LRRC40: variants seen among roughly 807,000 people sequenced by gnomAD.
The protein encoded by LRRC40 is leucine rich repeat containing 40.
A neutral mutation model predicts 72.8 loss-of-function variants in LRRC40; 76 were observed. The ratio of observed to expected loss-of-function variants is 1.04; its 90% CI spans 0.87 to 1.26. The LOEUF (loss-of-function observed/expected upper bound fraction) is 1.26, where lower values mean the gene tolerates loss of function less well. LRRC40 is among the 50% of genes most tolerant of loss of function. LRRC40 has a pLI of 0.00. For synonymous variants in LRRC40, 243 were observed against 254.2 expected (o/e 0.96, Z 0.42); for missense variants, 684 against 698.9 (o/e 0.98, Z 0.24).
intron 11 of LRRC40, among the ~76,000 whole-genome samples, chr1:70,153,972 C>CAAAAAAAAAA (rs1042976831): frequency 1.7e-5 from 1 of 58,182 alleles, no homozygotes; most frequent in Non-Finnish European, 3.4e-5. Context: ...GATCCTGTCT[C>CAAAAAAAAAA]AAAAAAAAAA....
At chr1:70,184,163 C>T (rs1230987759) in intron 4 of LRRC40, among the ~76,000 whole-genome samples, 3 of 151,966 alleles carry the variant, frequency 2.0e-5, no homozygotes, top group Non-Finnish European at 2.9e-5. Flanking sequence ...GCAGGAGAAT[C>T]GCTTGAACCT....
intron 1 of LRRC40, among the ~76,000 whole-genome samples, chr1:70,189,547 T>A (rs41488747): frequency 0.11 from 16,825 of 152,186 alleles, 1,100 homozygotes; most frequent in East Asian, 0.3. Flanking sequence ...CATACACTGA[T>A]TAGCACATAC....
chr1:70,186,551 T>C (rs1374456374), intron 3 of LRRC40, among the ~76,000 whole-genome samples: 2 of 152,236 alleles, frequency 1.3e-5, no homozygotes, highest in African/African-American at 2.4e-5. Flanking sequence ...TTACATTACA[T>C]AGATCTGTAA....
At chr1:70,179,136 G>T in intron 5 of LRRC40, 143 bp from the exon 6 acceptor site, 1 of 417,676 alleles carries the variant, frequency 2.4e-6, no homozygotes, top group Non-Finnish European at 4.3e-6. Context: ...AAACACCACT[G>T]AATTAAATAA....
At chr1:70,154,820 G>T (rs1420069380) in intron 11 of LRRC40, among the ~76,000 whole-genome samples, 3 of 151,942 alleles carry the variant, frequency 2.0e-5, no homozygotes, top group Non-Finnish European at 4.4e-5. Flanking sequence ...GCTTTGTGTG[G>T]ATTATGTCAT....
intron 9 of LRRC40, among the ~76,000 whole-genome samples, chr1:70,163,117 C>T (rs1667800942): frequency 6.7e-6 from 1 of 149,364 alleles, no homozygotes; most frequent in South Asian, 2.1e-4. Context: ...CACTCTGTTG[C>T]CAGGCTGGAG....
intron 2 of LRRC40, 115 bp from the exon 3 acceptor site, chr1:70,187,453 G>A (rs140162414): frequency 5.2e-6 from 3 of 574,056 alleles, no homozygotes; most frequent in East Asian, 3.0e-5. Context: ...AAATTCAATG[G>A]CAACAAGTTG....
intron 14 of LRRC40, chr1:70,147,956 T>G (rs1189760358): frequency 6.6e-6 from 1 of 152,006 alleles, no homozygotes; most frequent in African/African-American, 2.4e-5. Context: ...TGAAGCATGA[T>G]GGGAAATCAG....
chr1:70,163,516 T>C (rs1667811250), intron 9 of LRRC40, among the ~76,000 whole-genome samples: 2 of 152,196 alleles, frequency 1.3e-5, no homozygotes, highest in African/African-American at 2.4e-5. Flanking sequence ...TCACATCCTA[T>C]TACGCTGACC....
intron 5 of LRRC40, among the ~76,000 whole-genome samples, chr1:70,179,622 T>G (rs1233429032): frequency 6.6e-6 from 1 of 152,166 alleles, no homozygotes; most frequent in Non-Finnish European, 1.5e-5. Context: ...ACACTGGATA[T>G]TAGAAAAATT....
rs534654350 is a variant in LRRC40 at position 70,201,972 on chromosome 1, C to T, written c.151+3418G>A. Among the ~76,000 whole-genome samples the T allele has an allele frequency of 1.2e-3, 181 of 151,972 alleles. 1 individual carries two copies. Among genetic ancestry groups the T allele is most frequent in the African/African-American group, 3.8e-3 (157 of 41,438 alleles). On this transcript the variant is annotated intron_variant, in intron 1 of 14. Coordinates refer to ENST00000370952, the MANE Select transcript of LRRC40 (RefSeq NM_017768.5). ...AGCCTGGGCAACAAGAGCAAAACTC[C>T]GTCTCAAAAATAAAATAAAATAAAA...
intron 14 of LRRC40, among the ~76,000 whole-genome samples, chr1:70,146,733 C>T (rs11209592): frequency 1.3e-5 from 2 of 152,284 alleles, no homozygotes; most frequent in East Asian, 3.9e-4. Flanking sequence ...CACTGCTCCA[C>T]CCCCTGCCTC....
chr1:70,151,852 A>G (rs1667502190), intron 12 of LRRC40: 1 of 152,098 alleles, frequency 6.6e-6, no homozygotes, highest in African/African-American at 2.4e-5. Flanking sequence ...GGATTTTAGG[A>G]GCCAATATAA....
chr1:70,194,701 A>T (rs1361815856), intron 1 of LRRC40, among the ~76,000 whole-genome samples: 2 of 152,242 alleles, frequency 1.3e-5, no homozygotes, highest in East Asian at 3.8e-4. Context: ...GCTTTTCTGT[A>T]GAAATTAACA....
chr1:70,179,443 T>C (rs748704294), intron 5 of LRRC40, among the ~76,000 whole-genome samples: 9 of 152,182 alleles, frequency 5.9e-5, no homozygotes, highest in Non-Finnish European at 1.2e-4. Context: ...GCTATGATCA[T>C]GTCATTGCAC....
chr1:70,146,071 C>T (rs1667282465), intron 14 of LRRC40, among the ~76,000 whole-genome samples, 166 bp from the exon 15 acceptor site: 1 of 152,022 alleles, frequency 6.6e-6, no homozygotes, highest in Non-Finnish European at 1.5e-5. Flanking sequence ...GTTGCCCAGC[C>T]TGAAGTGCAG....
At chr1:70,191,883 T>C (rs550685773) in intron 1 of LRRC40, among the ~76,000 whole-genome samples, 3 of 152,254 alleles carry the variant, frequency 2.0e-5, no homozygotes, top group African/African-American at 2.4e-5. Context: ...AAGAGTAGCA[T>C]AATGAAATCA....
intron 1 of LRRC40, among the ~76,000 whole-genome samples, chr1:70,197,315 T>C (rs1379835263): frequency 6.6e-6 from 1 of 151,952 alleles, no homozygotes; most frequent in African/African-American, 2.4e-5. Context: ...TGAGAGCCTG[T>C]CACCCAGGCT....
At chr1:70,201,451 C>T (rs939043660) in intron 1 of LRRC40, among the ~76,000 whole-genome samples, 12 of 152,224 alleles carry the variant, frequency 7.9e-5, no homozygotes, top group Non-Finnish European at 1.6e-4. Context: ...AAAAAGCCAC[C>T]AGCCTATTTA....
Sources: gnomAD v4.1 joint callset for allele counts (sites outside exome capture counted in the v4.1 genomes callset) on GRCh38, gnomAD v4.1.1 for gene constraint, MANE v1.5 for transcripts, NCBI Gene and HGNC (gene_info 2026-07-23, HGNC 2026-07-21) for gene names.